Variants in MEGF11 observed in about 807,000 individuals in gnomAD.
MEGF11 encodes the protein multiple epidermal growth factor-like domains protein 11.
In MEGF11, 126 loss-of-function variants were observed where a neutral mutation model predicts 146.6. The observed-to-expected ratio is 0.86, with a 90% confidence interval of 0.74 to 1.00. The LOEUF (loss-of-function observed/expected upper bound fraction) is 1.00, where lower values mean the gene tolerates loss of function less well. Among genes scored for constraint, MEGF11 ranks in the 50% least tolerant of loss-of-function variants. The pLI, the probability that MEGF11 is intolerant of heterozygous loss-of-function variation, is 0.00. For missense variants in MEGF11, 1,509 were observed against 1,521.2 expected, an observed-to-expected ratio of 0.99 and a Z score of 0.13; for synonymous variants, 532 against 583.4, an observed-to-expected ratio of 0.91 and a Z score of 1.27.
intron 5 of MEGF11, among the ~76,000 whole-genome samples, chr15:66,039,566 T>C (rs1164055244): frequency 6.6e-6 from 1 of 152,230 alleles, no homozygotes; most frequent in African/African-American, 2.4e-5. Context: ...TTGAGTAGAC[T>C]GCCCAACGTA....
At chr15:66,134,512 C>T (rs2088800909) in intron 1 of MEGF11, among the ~76,000 whole-genome samples, 1 of 152,208 alleles carries the variant, frequency 6.6e-6, no homozygotes, top group Non-Finnish European at 1.5e-5. Context: ...CACCCTCTCC[C>T]ACCTCCTCCC....
Position 66,207,604 on chromosome 15 carries a change from G to A in MEGF11, c.-9+46001C>T, listed in dbSNP as rs192424745. Among the ~76,000 whole-genome samples, 16 of 152,218 alleles carry A rather than the reference G, an allele frequency of 1.1e-4. No individual in the cohort carries two copies. In the East Asian group the frequency reaches 1.3e-3, roughly 13 times the overall value. On this transcript the variant is annotated intron_variant, in intron 1 of 25. Coordinates refer to ENST00000395614, the MANE Select transcript of MEGF11 (RefSeq NM_001385028.1). ...CACTAGATAAGTAACTTGAATCCACGTAAAAAATAAAGAACGTCACTAAAT... is the reference window on the plus strand; with the variant it reads ...CACTAGATAAGTAACTTGAATCCACATAAAAAATAAAGAACGTCACTAAAT...
chr15:65,909,399 C>T (rs1013358020), intron 22 of MEGF11, among the ~76,000 whole-genome samples: 2 of 150,190 alleles, frequency 1.3e-5, no homozygotes, highest in Non-Finnish European at 3.0e-5. Context: ...AGGGAGGAGG[C>T]AGGGGGAAGA....
Position 65,982,423 on chromosome 15 carries a change from A to C in MEGF11, c.460T>G (p.Cys154Gly). 6.6e-7 allele frequency: 1 copy of C among 1,507,268 alleles called. No homozygotes were observed. Among genetic ancestry groups the C allele is most frequent in the Non-Finnish European group, 8.9e-7 (1 of 1,126,266 alleles). 93.4% of individuals were successfully genotyped at this position (1,507,268 alleles called of 1,614,324 possible). ...ACGCAGGCGCCTGTGATGGGGTTAC[A>C]CAGGGCGCCGTTCTGGCACTGGCAC... The part of the protein sequence containing the change: ...NRCQCQNGAL[C>G]NPITGACVCA... The change falls in exon 6 of 26, where the codon TGT becomes GGT. Residue 154 changes from cysteine to glycine, a missense_variant. Transcript: ENST00000395614. This position sits in a 1 kb window ranked among gnomAD's most constrained non-coding sequence, Gnocchi z 5.6.
chr15:66,014,383 G>A (rs559361315), intron 5 of MEGF11, among the ~76,000 whole-genome samples: 14 of 152,322 alleles, frequency 9.2e-5, no homozygotes, highest in African/African-American at 3.4e-4. Flanking sequence ...GTATACAGGA[G>A]AATAATATAT....
intron 5 of MEGF11, among the ~76,000 whole-genome samples, chr15:66,014,465 T>C (rs891914017): frequency 1.3e-5 from 2 of 152,226 alleles, no homozygotes; most frequent in Non-Finnish European, 2.9e-5. Context: ...CTGGCTTCCA[T>C]TGTTCCTCTT....
intron 1 of MEGF11, among the ~76,000 whole-genome samples, chr15:66,143,270 C>T (rs1020388452): frequency 6.6e-6 from 1 of 152,226 alleles, no homozygotes; most frequent in African/African-American, 2.4e-5. Flanking sequence ...AAATCCAGCA[C>T]TCATCCCACT....
At position 66,242,699 on chromosome 15, in the gene MEGF11, T is replaced by C. The variant is rs1457747566; in HGVS notation, c.-9+10906A>G. On this transcript the variant is annotated intron_variant, in intron 1 of 25. Coordinates refer to ENST00000395614, the MANE Select transcript of MEGF11 (RefSeq NM_001385028.1). The stretch of plus-strand genomic sequence containing the variant: ...CCATTCCCCTCTGCCCTCCTCCCCA[T>C]ACAAGTGGGACACAGAAGTTACTGT... 3.3e-5 allele frequency among the ~76,000 whole-genome samples: 5 copies of C among 152,130 alleles called. No individual in the cohort carries two copies. The East Asian group carries it at 5.8e-4, about 18-fold the overall frequency.
At chr15:66,171,994 A>C (rs957160965) in intron 1 of MEGF11, among the ~76,000 whole-genome samples, 6 of 152,128 alleles carry the variant, frequency 3.9e-5, no homozygotes, top group Non-Finnish European at 7.4e-5. Flanking sequence ...ACACCGCTTC[A>C]CCCCACACTG....
intron 1 of MEGF11, among the ~76,000 whole-genome samples, chr15:66,163,897 G>T (rs563110411): frequency 4.6e-5 from 7 of 152,190 alleles, no homozygotes; most frequent in African/African-American, 1.7e-4. Context: ...TTGTGCCACC[G>T]TTTTAATTCC....
chr15:66,023,618 C>T (rs771121339), intron 5 of MEGF11, among the ~76,000 whole-genome samples: 17 of 152,234 alleles, frequency 1.1e-4, no homozygotes, highest in Non-Finnish European at 1.8e-4. Context: ...CAAAAAGGCT[C>T]CTCTGTCTCT....
intron 5 of MEGF11, among the ~76,000 whole-genome samples, chr15:66,054,706 A>C (rs1201037267): frequency 6.6e-6 from 1 of 152,200 alleles, no homozygotes; most frequent in Non-Finnish European, 1.5e-5. Context: ...TTACTCTACT[A>C]TATAAAGTCT....
chr15:66,220,228 T>C (rs1227650857), intron 1 of MEGF11, among the ~76,000 whole-genome samples: 3 of 152,246 alleles, frequency 2.0e-5, no homozygotes, highest in East Asian at 3.9e-4. Flanking sequence ...AACAAATTTC[T>C]GTCGTTTTAA....
chr15:65,988,583 A>C (rs528450481), intron 5 of MEGF11, among the ~76,000 whole-genome samples: 1 of 152,224 alleles, frequency 6.6e-6, no homozygotes, highest in Non-Finnish European at 1.5e-5. Context: ...CTGGGATATA[A>C]GTATCTTTTA....
intron 1 of MEGF11, among the ~76,000 whole-genome samples, chr15:66,179,468 G>A (rs2141144451): frequency 6.6e-6 from 1 of 152,254 alleles, no homozygotes; most frequent in East Asian, 1.9e-4. Context: ...ACCACACGTG[G>A]GAGGAGGGGA....
At chr15:66,239,393 A>G (rs2140232491) in intron 1 of MEGF11, among the ~76,000 whole-genome samples, 1 of 152,326 alleles carries the variant, frequency 6.6e-6, no homozygotes, top group South Asian at 2.1e-4. Context: ...GCAGTCTCTC[A>G]CCTGCTCAAG....
chr15:65,936,142 C>T (rs541094358), intron 10 of MEGF11, among the ~76,000 whole-genome samples: 2 of 152,266 alleles, frequency 1.3e-5, no homozygotes, highest in South Asian at 4.1e-4. Context: ...CTGTGTGTTT[C>T]TGTGGGTGTT....
At chr15:66,119,499 C>T (rs2087910066) in intron 3 of MEGF11, among the ~76,000 whole-genome samples, 1 of 152,126 alleles carries the variant, frequency 6.6e-6, no homozygotes, top group African/African-American at 2.4e-5. Flanking sequence ...TCCTTAGTTC[C>T]TTAAAACACC....
chr15:66,140,545 C>T (rs1341240696), intron 1 of MEGF11, among the ~76,000 whole-genome samples: 1 of 152,194 alleles, frequency 6.6e-6, no homozygotes, highest in Non-Finnish European at 1.5e-5. Flanking sequence ...GCACCAAGTC[C>T]AAACCATGCT....
Sources: gnomAD v4.1 joint callset for allele counts (sites outside exome capture counted in the v4.1 genomes callset) on GRCh38, gnomAD v4.1.1 for gene constraint, Gnocchi (gnomAD v3.1) non-coding constraint, MANE v1.5 for transcripts, NCBI Gene and HGNC (gene_info 2026-07-23, HGNC 2026-07-21) for gene names.